AHNAK2: variants seen among roughly 807,000 people sequenced by gnomAD.
AHNAK2 encodes the protein protein AHNAK2.
Under a neutral mutation model 30.7 loss-of-function variants are expected in AHNAK2, and 18 were observed. That is an observed-to-expected ratio of 0.59 (90% CI 0.41 to 0.87). The LOEUF is 0.87. Ranked by LOEUF, AHNAK2 falls within the 40% of genes least tolerant of loss-of-function variation. The pLI, the probability that AHNAK2 is intolerant of heterozygous loss-of-function variation, is 0.00. For missense variants in AHNAK2, 8,604 were observed against 7,373.0 expected, an observed-to-expected ratio of 1.17 and a Z score of -6.11; for synonymous variants, 3,590 against 3,073.8, an observed-to-expected ratio of 1.17 and a Z score of -5.56.
chr14:104,957,301 T>C (rs1899003298), intron 3 of AHNAK2, 109 bp downstream of exon 3: 4 of 1,044,128 alleles, frequency 3.8e-6, no homozygotes, highest in Admixed American at 2.8e-5. Context: ...CACTGCCCAG[T>C]GGGCAGCGGG....
rs753164385 is a variant in AHNAK2, at chr14:104,950,799, T to A, written c.4652A>T (p.Glu1551Val). 1.4e-5 allele frequency: 22 copies of A among 1,586,354 alleles called. 2 individuals carry two copies. In the African/African-American group the frequency reaches 2.7e-4, roughly 20 times the overall value. Residue 1551 changes from glutamate (E) to valine (V), a missense_variant, in exon 7 of 7, where the codon GAG (glutamate) becomes GTG (valine). Physicochemically the swap from Glu to Val is moderately radical, Grantham distance 121. Coordinates refer to ENST00000333244, the MANE Select transcript of AHNAK2 (RefSeq NM_138420.4). ...LSIQPPSADL[E>V]VQAGQVDVKL... The stretch of plus-strand genomic sequence containing the variant: ...CACGTCCACTTGGCCAGCCTGGACC[T>A]CCAGGTCAGCAGAAGGGGGCTGTAT...
rs745921652 is a variant in AHNAK2, at chr14:104,957,685, T to C, written c.56-13A>G. 6.2e-7 allele frequency: 1 copy of C among 1,605,854 alleles called. No homozygotes were observed. Among genetic ancestry groups the C allele is most frequent in the African/African-American group, 1.3e-5 (1 of 74,630 alleles). On this transcript the variant is annotated splice_polypyrimidine_tract_variant and intron_variant, in intron 1 of 6. Coordinates refer to ENST00000333244, the MANE Select transcript of AHNAK2 (RefSeq NM_138420.4). Reference sequence around the variant, plus strand: ...TGACGGCCGGACACTGCAGAGAGAGTGGCTGTCAGTGGAGACAAGCAGGCT... The same window carrying C: ...TGACGGCCGGACACTGCAGAGAGAGCGGCTGTCAGTGGAGACAAGCAGGCT...
chr14:104,962,344 C>G (rs951603925), intron 1 of AHNAK2, among the ~76,000 whole-genome samples: 4 of 152,170 alleles, frequency 2.6e-5, no homozygotes, highest in Non-Finnish European at 5.9e-5. Context: ...CAAGACAGTG[C>G]GGCAGAAACA....
Position 104,938,176 on chromosome 14 carries a change from C to T in AHNAK2, c.17275G>A (p.Asp5759Asn), listed in dbSNP as rs1322010759. 2.5e-6 allele frequency: 4 copies of T among 1,613,832 alleles called. No homozygotes were observed. The highest frequency in any genetic ancestry group is 1.7e-5 in the Admixed American group (1 of 59,998). The change falls in exon 7 of 7, where the codon GAC (aspartate) becomes AAC (asparagine). Residue 5759 changes from aspartate (D) to asparagine (N), a missense_variant. Transcript: ENST00000333244. ...GCGGATGTCACCATCACTCTGGAGT[C>T]CAGCCCAGTGCCCACAGGCCCGATC... is the stretch of plus-strand genomic sequence containing the variant. ...ELIGPVGTGL[D>N]SRVMVTSAAR... is the part of the protein sequence containing the mutation.
Position 104,938,781 on chromosome 14 carries a change from G to A in AHNAK2, c.16670C>T (p.Pro5557Leu). The A allele has an allele frequency of 6.2e-7, 1 of 1,613,934 alleles. No individual in the cohort carries two copies. The highest frequency in any genetic ancestry group is 8.5e-7 in the Non-Finnish European group (1 of 1,179,886). ...GTEEAPIQAT[P>L]GVDSISGDLQ... is the part of the protein sequence containing the mutation. ...ATCTCCAGAAATGGAGTCTACTCCT[G>A]GGGTGGCTTGTATGGGAGCCTCTTC... The change falls in exon 7 of 7, where the codon CCA becomes CTA. Residue 5557 changes from proline to leucine, a missense_variant. Coordinates refer to ENST00000333244, the MANE Select transcript of AHNAK2 (RefSeq NM_138420.4).
rs1414233608 is a variant in AHNAK2 at position 104,943,302 on chromosome 14, T to C, written c.12149A>G (p.His4050Arg). 8 of 1,612,858 alleles carry C rather than the reference T, an allele frequency of 5.0e-6. No homozygotes were observed. Among genetic ancestry groups the C allele is most frequent in the Non-Finnish European group, 5.9e-6 (7 of 1,179,532 alleles). The change falls in exon 7 of 7, where the codon CAC (histidine) becomes CGC (arginine). Residue 4050 changes from histidine to arginine, a missense_variant. Coordinates refer to ENST00000333244, the MANE Select transcript of AHNAK2 (RefSeq NM_138420.4). ...ACTGGGCATCTGCACCTTGGGCAGG[T>C]GCCCTTTGAGGCTGGCTCCCTCGGG... ...PVPEGASLKG[H>R]LPKVQMPSFK...
At chr14:104,977,552 C>T in intron 1 of AHNAK2, among the ~76,000 whole-genome samples, 1 of 152,228 alleles carries the variant, frequency 6.6e-6, no homozygotes, top group East Asian at 1.9e-4. Context: ...GGCCCCAGAC[C>T]TCAGGCCTAG....
In AHNAK2 at chr14:104,950,899, C is replaced by G. The variant is rs200198288; in HGVS notation, c.4552G>C (p.Val1518Leu). Residue 1518 changes from valine (V) to leucine (L), a missense_variant, in exon 7 of 7, where the codon GTG becomes CTG. Coordinates refer to ENST00000333244, the MANE Select transcript of AHNAK2 (RefSeq NM_138420.4). The stretch of plus-strand genomic sequence containing the variant: ...TCGGCCTCCACCTTCGGCGCAGACA[C>G]ATCCACTGAGGCCTCGATGGACTTG... ...PGKSIEASVD[V>L]SAPKVEADVS... The G allele has an allele frequency of 2.2e-3, 3,361 of 1,558,674 alleles. 233 individuals are homozygous for G. The African/African-American group carries it at 0.035, about 16-fold the overall frequency.
In AHNAK2 at chr14:104,953,374, A is replaced by G; in HGVS notation, c.2077T>C (p.Ser693Pro). 6.2e-7 allele frequency: 1 copy of G among 1,613,760 alleles called. No homozygotes were observed. Among genetic ancestry groups the G allele is most frequent in the Non-Finnish European group, 8.5e-7 (1 of 1,179,840 alleles). ...PLFGASAPGK[S>P]MEASVDVSAP... ...GACACATCCACCGAGGCCTCCATGG[A>G]CTTGCCTGGGGCTGACGCCCCGAAC... Residue 693 changes from serine to proline, a missense_variant, in exon 7 of 7, where the codon TCC becomes CCC. Ser to Pro is a moderately conservative substitution (Grantham distance 74, BLOSUM62 -1). Coordinates refer to ENST00000333244, the MANE Select transcript of AHNAK2 (RefSeq NM_138420.4).
In AHNAK2 at chr14:104,946,796, G is replaced by T. The variant is rs190699492; in HGVS notation, c.8655C>A (p.His2885Gln). ...CTTTGAGGCCGGCTCCCTCGGGAAC[G>T]TGGCCCTCTGGGAGTTTCACGTCCA... ...GQVDVKLPEG[H>Q]VPEGAGLKGH... is the part of the protein sequence containing the mutation. Residue 2885 changes from histidine to glutamine, a missense_variant, in exon 7 of 7, where the codon CAC (histidine) becomes CAA (glutamine). Transcript: ENST00000333244. 2 of 1,612,652 alleles carry T rather than the reference G, an allele frequency of 1.2e-6. No individual in the cohort carries two copies. The highest frequency in any genetic ancestry group is 1.7e-6 in the Non-Finnish European group (2 of 1,179,610).
Position 104,947,588 on chromosome 14 carries a change from C to T in AHNAK2, c.7863G>A (p.Pro2621=), listed in dbSNP as rs200868286. 8.4e-5 allele frequency: 136 copies of T among 1,612,914 alleles called. No homozygotes were observed. Among genetic ancestry groups the T allele is most frequent in the Non-Finnish European group, 8.4e-5 (99 of 1,179,686 alleles). ...LSSMEVDVQA[P]RAKLDGARLE... ...GCCGCGCACCATCCAGCTTTGCTCT[C>T]GGGGCCTGGACGTCCACCTCCATGC... is the stretch of plus-strand genomic sequence containing the variant. Residue 2621 remains proline, a synonymous_variant, in exon 7 of 7, where the codon CCG becomes CCA. Coordinates refer to ENST00000333244, the MANE Select transcript of AHNAK2 (RefSeq NM_138420.4).
At chr14:104,960,433 G>A (rs754254902) in intron 1 of AHNAK2, among the ~76,000 whole-genome samples, 2 of 152,160 alleles carry the variant, frequency 1.3e-5, no homozygotes, top group Non-Finnish European at 2.9e-5. Flanking sequence ...ATCTAGAGAT[G>A]ATTTAAAGTA....
chr14:104,946,012 T>G lies in AHNAK2; in HGVS notation c.9439A>C (p.Lys3147Gln). 6.6e-7 allele frequency: 1 copy of G among 1,506,316 alleles called. No individual in the cohort carries two copies. Among genetic ancestry groups the G allele is most frequent in the Non-Finnish European group, 9.1e-7 (1 of 1,098,942 alleles). The allele number at this position is 1,506,316 out of a possible 1,614,324, so 93.3% of individuals were successfully genotyped here. ...TAKDSKFKMPKFKMPSFGVSA... is the reference protein window; with the variant it reads ...TAKDSKFKMPQFKMPSFGVSA... The stretch of plus-strand genomic sequence containing the variant: ...ACCCCGAACGACGGCATCTTGAACT[T>G]GGGCATTTTGAACTTGCTGTCTTTG... The change falls in exon 7 of 7, where the codon AAG (lysine) becomes CAG (glutamine). Residue 3147 changes from lysine to glutamine, a missense_variant. Coordinates refer to ENST00000333244, the MANE Select transcript of AHNAK2 (RefSeq NM_138420.4).
At chr14:104,958,137 A>G (rs1441114475) in intron 1 of AHNAK2, among the ~76,000 whole-genome samples, 3 of 152,204 alleles carry the variant, frequency 2.0e-5, no homozygotes, top group African/African-American at 7.2e-5. Flanking sequence ...TTTAATACAG[A>G]CTTCAAAGAA....
In AHNAK2 at chr14:104,942,940, A is replaced by C; in HGVS notation, c.12511T>G (p.Ser4171Ala). 5 of 1,613,260 alleles carry C rather than the reference A, an allele frequency of 3.1e-6. No individual in the cohort carries two copies. The highest frequency in any genetic ancestry group is 4.2e-6 in the Non-Finnish European group (5 of 1,179,648). Residue 4171 changes from serine to alanine, a missense_variant, in exon 7 of 7, where the codon TCC becomes GCC. Ser to Ala is a moderately conservative substitution (Grantham distance 99). Coordinates refer to ENST00000333244, the MANE Select transcript of AHNAK2 (RefSeq NM_138420.4). ...LKAKADVSLPSMQGDLKTTDL... is the reference protein window; with the variant it reads ...LKAKADVSLPAMQGDLKTTDL... ...GTGGTCTTGAGGTCCCCCTGCATGG[A>C]GGGGAGGCTCACGTCGGCTTTCGCC...
At position 104,946,364 on chromosome 14, in the gene AHNAK2, C is replaced by T. The variant is rs1898268548; in HGVS notation, c.9087G>A (p.Glu3029=). Residue 3029 remains glutamate, a synonymous_variant, in exon 7 of 7, where the codon GAG becomes GAA. Transcript: ENST00000333244. ...GGACCTCCAGTTGGGCAGAGGGGGGCTCAATGCTGATGTCAGTGGTCTTCA... is the reference window on the plus strand; with the variant it reads ...GGACCTCCAGTTGGGCAGAGGGGGGTTCAATGCTGATGTCAGTGGTCTTCA... ...GDLKTTDISI[E]PPSAQLEVQA... The T allele has an allele frequency of 6.2e-7, 1 of 1,612,214 alleles. No homozygotes were observed.
rs182566229 is a variant in AHNAK2 at position 104,941,640 on chromosome 14, A to G, written c.13811T>C (p.Met4604Thr). The change falls in exon 7 of 7, where the codon ATG (methionine) becomes ACG (threonine). Residue 4604 changes from methionine (M) to threonine (T), a missense_variant. Transcript: ENST00000333244. ...VETDVQAPGS[M>T]LDGARLEGDL... ...CCCCTCAAGCCGCGCACCATCCAGC[A>G]TGGATCCTGGGGCCTGGACATCCGT... 3,763 of 1,611,510 alleles carry G rather than the reference A, an allele frequency of 2.3e-3. 113 individuals are homozygous for G. The Admixed American group carries it at 0.059, about 25-fold the overall frequency.
In AHNAK2 at chr14:104,950,645, C is replaced by G. The variant is rs757891944; in HGVS notation, c.4806G>C (p.Lys1602Asn). The G allele has an allele frequency of 1.6e-5, 25 of 1,586,914 alleles. 2 individuals carry two copies. The highest frequency in any genetic ancestry group is 6.8e-5 in the East Asian group (3 of 44,212). ...CCACCTTGGGGCCTTTCAGGTCCAG[C>G]TTGGGGCCCTTAACATCTATCTGGG... ...KGPQIDVKGP[K>N]LDLKGPKVEV... Residue 1602 changes from lysine (K) to asparagine (N), a missense_variant, in exon 7 of 7, where the codon AAG (lysine) becomes AAC (asparagine). By Grantham distance (94) the Lys-to-Asn change is moderately conservative (BLOSUM62 0). Transcript: ENST00000333244.
rs759080095 is a variant in AHNAK2 at position 104,946,873 on chromosome 14, C to T, written c.8578G>A (p.Asp2860Asn). ...GCGGAGGGGGGCTGAATGCGGATGT[C>T]AGTGGTCTTAAGATCCCCTTGCATG... ...PSMQGDLKTTDIRIQPPSAQL... is the reference protein window; with the variant it reads ...PSMQGDLKTTNIRIQPPSAQL... Residue 2860 changes from aspartate (D) to asparagine (N), a missense_variant, in exon 7 of 7, where the codon GAC becomes AAC. By Grantham distance (23) the Asp-to-Asn change is conservative. Coordinates refer to ENST00000333244, the MANE Select transcript of AHNAK2 (RefSeq NM_138420.4). The T allele has an allele frequency of 1.2e-6, 2 of 1,612,530 alleles. No homozygotes were observed. The highest frequency in any genetic ancestry group is 1.7e-6 in the Non-Finnish European group (2 of 1,179,748).
Sources: allele counts gnomAD v4.1 joint callset (sites outside exome capture counted in the v4.1 genomes callset), GRCh38; gene constraint gnomAD v4.1.1; transcripts MANE v1.5; gene names NCBI Gene and HGNC (gene_info 2026-07-23, HGNC 2026-07-21).